Variants in GSAP observed in about 807,000 individuals in gnomAD.
GSAP encodes gamma-secretase activating protein.
A neutral mutation model predicts 131.7 loss-of-function variants in GSAP; 118 were observed. The ratio of observed to expected loss-of-function variants is 0.90; its 90% CI spans 0.77 to 1.04. GSAP has a LOEUF of 1.04. Among genes scored for constraint, GSAP ranks in the 50% least tolerant of loss-of-function variants. The pLI, the probability that GSAP is intolerant of heterozygous loss-of-function variation, is 0.00. For synonymous variants in GSAP, 381 were observed against 363.4 expected, an observed-to-expected ratio of 1.05 and a Z score of -0.55; for missense variants, 1,019 against 1,013.2, an observed-to-expected ratio of 1.01 and a Z score of -0.08.
At chr7:77,387,217 G>A in intron 6 of GSAP, 143 bp downstream of exon 6, 1 of 461,156 alleles carries the variant, frequency 2.2e-6, no homozygotes, top group Non-Finnish European at 3.9e-6. Flanking sequence ...CAAACAAAGA[G>A]CGGATACTTC....
In GSAP at chr7:77,321,477, A is replaced by C. The variant is rs573857482; in HGVS notation, c.1924-74T>G. 4.4e-6 allele frequency: 4 copies of C among 916,496 alleles called. No homozygotes were observed. The African/African-American group carries it at 6.6e-5, about 15-fold the overall frequency. The allele number at this position is 916,496 out of a possible 1,614,324, so 56.8% of individuals were successfully genotyped here. On this transcript the variant is annotated intron_variant, in intron 24 of 30. Transcript: ENST00000257626. ...AGGGCCCCACAGCTAGGCCTCCACA[A>C]CTCAGATAAGCATTTCAGGGCAGCT...
chr7:77,392,112 C>T (rs984136359), intron 5 of GSAP, among the ~76,000 whole-genome samples: 8 of 151,906 alleles, frequency 5.3e-5, no homozygotes, highest in African/African-American at 1.9e-4. Flanking sequence ...GCGGTGCTGG[C>T]TACTCAGGAG....
intron 3 of GSAP, among the ~76,000 whole-genome samples, chr7:77,401,282 C>T (rs1430137076): frequency 6.6e-6 from 1 of 151,978 alleles, no homozygotes; most frequent in Admixed American, 6.6e-5. Context: ...AACAAATCCA[C>T]ACCAAGACAC....
At chr7:77,416,126 G>T (rs1256667923) in intron 1 of GSAP, 87 bp downstream of exon 1, 5 of 730,998 alleles carry the variant, frequency 6.8e-6, no homozygotes, top group Non-Finnish European at 1.0e-5. Flanking sequence ...CGACGCCCCG[G>T]GTTGCTCCCC....
intron 12 of GSAP, among the ~76,000 whole-genome samples, chr7:77,366,417 T>C (rs775008412): frequency 6.6e-6 from 1 of 152,166 alleles, no homozygotes; most frequent in Non-Finnish European, 1.5e-5. Context: ...TTTGTCTATG[T>C]TGTAAGGAAG....
At position 77,312,135 on chromosome 7, in the gene GSAP, T is replaced by C; in HGVS notation, c.2339A>G (p.His780Arg). ...PMSSNIISRNHVTRLLQNYKK... is the reference protein window; with the variant it reads ...PMSSNIISRNRVTRLLQNYKK... ...ATAGTTCTGAAGCAGTCGCGTCACGTGGTTCCGCGAAATGATGTTAGAACT... is the reference window on the plus strand; with the variant it reads ...ATAGTTCTGAAGCAGTCGCGTCACGCGGTTCCGCGAAATGATGTTAGAACT... The change falls in exon 29 of 31, where the codon CAC becomes CGC. Residue 780 changes from histidine to arginine, a missense_variant. Coordinates refer to ENST00000257626, the MANE Select transcript of GSAP (RefSeq NM_017439.4). The C allele has an allele frequency of 6.2e-7, 1 of 1,602,894 alleles. No individual in the cohort carries two copies. Among genetic ancestry groups the C allele is most frequent in the Non-Finnish European group, 8.5e-7 (1 of 1,175,164 alleles).
At chr7:77,342,553 G>A (rs759941130) in intron 19 of GSAP, among the ~76,000 whole-genome samples, 11 of 151,610 alleles carry the variant, frequency 7.3e-5, no homozygotes, top group Non-Finnish European at 1.6e-4. Flanking sequence ...AGCCTCCTTC[G>A]CATCTCCCCT....
At chr7:77,349,133 C>CA (rs1246184377) in intron 19 of GSAP, among the ~76,000 whole-genome samples, 3 of 152,204 alleles carry the variant, frequency 2.0e-5, no homozygotes, top group Non-Finnish European at 4.4e-5. Context: ...CTCCTATCTT[C>CA]AGGAAACTTC....
chr7:77,393,870 C>G (rs1277835173), intron 5 of GSAP, among the ~76,000 whole-genome samples: 2 of 151,902 alleles, frequency 1.3e-5, no homozygotes, highest in African/African-American at 4.8e-5. Flanking sequence ...GACAGGGTTT[C>G]ACCACGTTGG....
At chr7:77,335,037 C>T (rs1383163105) in intron 19 of GSAP, among the ~76,000 whole-genome samples, 1 of 151,450 alleles carries the variant, frequency 6.6e-6, no homozygotes, top group South Asian at 2.1e-4. Context: ...GAGCTGAGAT[C>T]GCGCCACTGC....
In GSAP at chr7:77,382,525, C is replaced by T. The variant is rs200691095; in HGVS notation, c.526+49G>A. The T allele has an allele frequency of 9.0e-4, 857 of 949,826 alleles. 2 individuals carry two copies. Among genetic ancestry groups the T allele is most frequent in the African/African-American group, 1.4e-3 (87 of 62,518 alleles). The allele number at this position is 949,826 out of a possible 1,614,324, so 58.8% of individuals were successfully genotyped here. ...TTCAATCATGTACCACACTAGGAGA[C>T]GATATGCCATTCATGAAATTCCCAT... is the stretch of plus-strand genomic sequence containing the variant. On this transcript the variant is annotated intron_variant, in intron 7 of 30. Transcript: ENST00000257626.
intron 5 of GSAP, among the ~76,000 whole-genome samples, chr7:77,389,593 T>C (rs1026325045): frequency 6.6e-6 from 1 of 152,168 alleles, no homozygotes; most frequent in African/African-American, 2.4e-5. Flanking sequence ...TTCATCCATG[T>C]CCCTACAAAG....
At chr7:77,400,844 G>A (rs1801190225) in intron 3 of GSAP, among the ~76,000 whole-genome samples, 1 of 151,454 alleles carries the variant, frequency 6.6e-6, no homozygotes, top group East Asian at 1.9e-4. Context: ...GTAATTACAA[G>A]CATGCTTGAA....
chr7:77,381,275 T>G, intron 8 of GSAP, 30 bp downstream of exon 8: 1 of 1,375,312 alleles, frequency 7.3e-7, no homozygotes, highest in Non-Finnish European at 1.0e-6. Context: ...AAAAAAAACC[T>G]ATGAAGCGAA....
chr7:77,356,277 G>C (rs1793718932), intron 14 of GSAP, among the ~76,000 whole-genome samples: 1 of 152,202 alleles, frequency 6.6e-6, no homozygotes, highest in South Asian at 2.1e-4. Context: ...TTGTTTCTAA[G>C]TGATTTGTGG....
intron 5 of GSAP, among the ~76,000 whole-genome samples, chr7:77,392,470 C>T (rs1272285827): frequency 6.6e-5 from 10 of 151,966 alleles, no homozygotes; most frequent in Admixed American, 6.6e-4. Context: ...ATCGCTTGAA[C>T]CCGGAAGTTG....
chr7:77,342,890 C>T (rs1041128808), intron 19 of GSAP, among the ~76,000 whole-genome samples: 1 of 152,120 alleles, frequency 6.6e-6, no homozygotes, highest in African/African-American at 2.4e-5. Context: ...AACCTATATA[C>T]TCTCCTATCC....
intron 19 of GSAP, among the ~76,000 whole-genome samples, chr7:77,344,911 A>C (rs1739243340): frequency 6.6e-6 from 1 of 152,172 alleles, no homozygotes; most frequent in African/African-American, 2.4e-5. Flanking sequence ...AAAATCGCTG[A>C]GGCCTCAACT....
At chr7:77,388,190 G>A (rs1238374775) in intron 5 of GSAP, among the ~76,000 whole-genome samples, 1 of 152,232 alleles carries the variant, frequency 6.6e-6, no homozygotes, top group Non-Finnish European at 1.5e-5. Context: ...ACGGAGTGAA[G>A]AAGTTGTTTG....
Sources: gnomAD v4.1 joint callset for allele counts (sites outside exome capture counted in the v4.1 genomes callset) on GRCh38, gnomAD v4.1.1 for gene constraint, MANE v1.5 for transcripts, NCBI Gene and HGNC (gene_info 2026-07-23, HGNC 2026-07-21) for gene names.